Variants in ATOSA observed in about 807,000 individuals in gnomAD.
The protein encoded by ATOSA is atos homolog protein A.
the ATOSA span, among the ~76,000 whole-genome samples, chr15:52,639,083 C>CAAA: frequency 0.027 from 2,208 of 82,644 alleles, 60 homozygotes; most frequent in African/African-American, 0.09. Flanking sequence ...GTCCCAAGAG[C>CAAA]AAAAAAAAAA....
chr15:52,595,031 C>G, the ATOSA span, among the ~76,000 whole-genome samples: 1 of 152,290 alleles, frequency 6.6e-6, no homozygotes, highest in East Asian at 1.9e-4. Flanking sequence ...CATTGCCATG[C>G]TCTTTTACGT....
chr15:52,628,179 GCC>G, the ATOSA span, among the ~76,000 whole-genome samples: 1 of 151,998 alleles, frequency 6.6e-6, no homozygotes, highest in Admixed American at 6.6e-5. Context: ...ATTGTATCAG[GCC>G]CACACACACT....
At chr15:52,607,771 T>C in the ATOSA span, among the ~76,000 whole-genome samples, 3 of 152,314 alleles carry the variant, frequency 2.0e-5, no homozygotes, top group African/African-American at 7.2e-5. Flanking sequence ...ATACAAGCAA[T>C]ATACAAAATC....
At chr15:52,694,242 C>T in the ATOSA span, among the ~76,000 whole-genome samples, 16 of 151,602 alleles carry the variant, frequency 1.1e-4, no homozygotes, top group Admixed American at 6.6e-4. Context: ...TCTCAGCTCA[C>T]CGCAACCTCC....
chr15:52,678,794 C>CCA, the ATOSA span: 1 of 153,220 alleles, frequency 6.5e-6, no homozygotes, highest in Non-Finnish European at 1.5e-5. Context: ...TTCCGTCCCG[C>CCA]CGCGGCCCCG....
chr15:52,707,676 T>C, the ATOSA span, among the ~76,000 whole-genome samples: 1 of 152,156 alleles, frequency 6.6e-6, no homozygotes, highest in African/African-American at 2.4e-5. Context: ...TACTATTTTG[T>C]GGTTACATGA....
At chr15:52,633,395 T>C in the ATOSA span, among the ~76,000 whole-genome samples, 1 of 152,190 alleles carries the variant, frequency 6.6e-6, no homozygotes, top group Non-Finnish European at 1.5e-5. Context: ...GACAGGACTG[T>C]TATCCCAGGT....
At chr15:52,604,217 C>T in the ATOSA span, among the ~76,000 whole-genome samples, 1 of 152,126 alleles carries the variant, frequency 6.6e-6, no homozygotes, top group Non-Finnish European at 1.5e-5. Flanking sequence ...GTCAAGAGAT[C>T]GAGAACATCC....
At chr15:52,665,357 T>C in the ATOSA span, among the ~76,000 whole-genome samples, 1 of 152,244 alleles carries the variant, frequency 6.6e-6, no homozygotes, top group Non-Finnish European at 1.5e-5. Context: ...GTCTACTATT[T>C]GTACGTGAAG....
At chr15:52,623,475 T>C in the ATOSA span, among the ~76,000 whole-genome samples, 266 of 151,902 alleles carry the variant, frequency 1.8e-3, 1 homozygote, top group East Asian at 0.024. Flanking sequence ...TAGAGGAATA[T>C]GTAGATAGAG....
At chr15:52,670,326 A>G in the ATOSA span, among the ~76,000 whole-genome samples, 95 of 152,320 alleles carry the variant, frequency 6.2e-4, 1 homozygote, top group Admixed American at 4.8e-3. Context: ...GCGTATGTTA[A>G]GTGCCAAACC....
chr15:52,701,826 T>G, the ATOSA span, among the ~76,000 whole-genome samples: 1 of 152,088 alleles, frequency 6.6e-6, no homozygotes, highest in African/African-American at 2.4e-5. Flanking sequence ...ATAATGTTCC[T>G]AATACAGAAA....
the ATOSA span, among the ~76,000 whole-genome samples, chr15:52,702,288 A>G: frequency 3.9e-5 from 6 of 152,188 alleles, no homozygotes; most frequent in Non-Finnish European, 8.8e-5. Flanking sequence ...AAATCTTCCT[A>G]CCAAAAAGAC....
the ATOSA span, among the ~76,000 whole-genome samples, chr15:52,632,766 T>C: frequency 6.6e-6 from 1 of 152,214 alleles, no homozygotes; most frequent in African/African-American, 2.4e-5. Flanking sequence ...ATATAAATTA[T>C]GAAATTATTG....
At chr15:52,582,100 A>C in the ATOSA span, 36 of 1,428,284 alleles carry the variant, frequency 2.5e-5, no homozygotes, top group Non-Finnish European at 3.3e-5. Flanking sequence ...TTCTATGCTA[A>C]TTTTTACTTG....
the ATOSA span, among the ~76,000 whole-genome samples, chr15:52,698,133 T>C: frequency 0.014 from 2,158 of 151,818 alleles, 55 homozygotes; most frequent in African/African-American, 0.05. Context: ...CGTGCCACCA[T>C]GCCTGGCTAA....
chr15:52,621,414 A>G, the ATOSA span, among the ~76,000 whole-genome samples: 9 of 152,220 alleles, frequency 5.9e-5, no homozygotes, highest in Admixed American at 5.9e-4. Context: ...GAAAAATAAT[A>G]TGTAATAAAA....
chr15:52,639,083 CAAAA>C, the ATOSA span, among the ~76,000 whole-genome samples: 3 of 82,686 alleles, frequency 3.6e-5, no homozygotes, highest in Non-Finnish European at 2.7e-5. Context: ...GTCCCAAGAG[CAAAA>C]AAAAAAAAAA....
At chr15:52,584,091 A>G in the ATOSA span, among the ~76,000 whole-genome samples, 3 of 124,570 alleles carry the variant, frequency 2.4e-5, no homozygotes, top group South Asian at 2.4e-4. Context: ...TCTCAAGAAG[A>G]AAAAAAAAAA....
Sources: allele counts gnomAD v4.1 joint callset (sites outside exome capture counted in the v4.1 genomes callset), GRCh38; gene constraint gnomAD v4.1.1; transcripts MANE v1.5; gene names NCBI Gene and HGNC (gene_info 2026-07-23, HGNC 2026-07-21).